Variants in VPS18 observed in about 807,000 individuals in gnomAD.
VPS18 encodes VPS18 core subunit of CORVET and HOPS complexes.
Under a neutral mutation model 82.0 loss-of-function variants are expected in VPS18, and 25 were observed. The ratio of observed to expected loss-of-function variants is 0.30; its 90% confidence interval spans 0.22 to 0.43. VPS18 has a LOEUF of 0.43. Among genes scored for constraint, VPS18 ranks in the 20% least tolerant of loss-of-function variants. VPS18 has a pLI of 1.00. For missense variants in VPS18, 1,168 were observed against 1,311.1 expected, an observed-to-expected ratio of 0.89 and a Z score of 1.69; for synonymous variants, 523 against 543.0, an observed-to-expected ratio of 0.96 and a Z score of 0.51.
In VPS18 at chr15:40,900,316, C is replaced by T; in HGVS notation, c.1498C>T (p.Leu500=). ...LLTTWLTELY[L]SRLGALQGDP... ...GACCACCTGGCTGACAGAGCTCTAC[C>T]TGAGCCGGCTTGGGGCTCTGCAGGG... Residue 500 remains leucine (L), a synonymous_variant, in exon 4 of 5, where the codon CTG becomes TTG. Coordinates refer to ENST00000220509, the MANE Select transcript of VPS18 (RefSeq NM_020857.3). The surrounding 1 kb of genome is among the most constrained non-coding windows in gnomAD (Gnocchi z 5.4). 6.2e-7 allele frequency: 1 copy of T among 1,613,790 alleles called. No homozygotes were observed. Among genetic ancestry groups the T allele is most frequent in the Non-Finnish European group, 8.5e-7 (1 of 1,180,022 alleles).
Position 40,900,755 on chromosome 15 carries a change from T to C in VPS18, c.1937T>C (p.Ile646Thr). 2 of 1,614,182 alleles carry C rather than the reference T, an allele frequency of 1.2e-6. No individual in the cohort carries two copies. Among genetic ancestry groups the C allele is most frequent in the Non-Finnish European group, 1.7e-6 (2 of 1,180,042 alleles). The change falls in exon 4 of 5, where the codon ATC (isoleucine) becomes ACC (threonine). Residue 646 changes from isoleucine to threonine, a missense_variant. By Grantham distance (89) the Ile-to-Thr change is moderately conservative. This residue lies in a region of VPS18 where 868 missense variants were observed against 939.8 expected (regional missense o/e 0.92). Coordinates refer to ENST00000220509, the MANE Select transcript of VPS18 (RefSeq NM_020857.3). The surrounding 1 kb of genome is among the most constrained non-coding windows in gnomAD (Gnocchi z 5.4). ...GAGGTCCAGCAGGTGAGCCAGGCCA[T>C]CCGCTACATGGAGTTCTGCGTGAAC... ...GGEVQQVSQAIRYMEFCVNVL... is the reference protein window; with the variant it reads ...GGEVQQVSQATRYMEFCVNVL...
chr15:40,894,679 C>G lies in VPS18; in HGVS notation c.-90C>G, dbSNP rs8033990. 2.7e-3 allele frequency: 3,554 copies of G among 1,300,814 alleles called. 78 individuals are homozygous for G. In the African/African-American group the frequency reaches 0.049, roughly 18 times the overall value. 80.6% of individuals were successfully genotyped at this position (1,300,814 alleles called of 1,614,324 possible). Reference sequence around the variant, plus strand: ...GGATCTGTCAGAGGCTGGGGAGTTACAGCTTCCATTCTGGGGCGACGGGGA... The same window carrying G: ...GGATCTGTCAGAGGCTGGGGAGTTAGAGCTTCCATTCTGGGGCGACGGGGA... On this transcript the variant is annotated 5_prime_UTR_variant, in exon 1 of 5. Transcript: ENST00000220509.
chr15:40,899,354 G>A lies in VPS18; in HGVS notation c.536G>A (p.Gly179Asp). ...IFEAELSASE[G>D]GLFGPAPDLY... ...GAAGCAGAGCTCTCAGCCAGCGAAG[G>A]TGGGCTTTTCGGCCCTGCTCCGGAT... is the stretch of plus-strand genomic sequence containing the variant. Residue 179 changes from glycine to aspartate, a missense_variant, in exon 4 of 5, where the codon GGT (glycine) becomes GAT (aspartate). By Grantham distance (94) the Gly-to-Asp change is moderately conservative (BLOSUM62 -1). This residue lies in a region of VPS18 where 868 missense variants were observed against 939.8 expected (regional missense o/e 0.92). Coordinates refer to ENST00000220509, the MANE Select transcript of VPS18 (RefSeq NM_020857.3). This position sits in a 1 kb window ranked among gnomAD's most constrained non-coding sequence, Gnocchi z 4.4. 1 of 1,612,632 alleles carries A rather than the reference G, an allele frequency of 6.2e-7. No individual in the cohort carries two copies. Among genetic ancestry groups the A allele is most frequent in the South Asian group, 1.1e-5 (1 of 91,068 alleles).
At position 40,902,303 on chromosome 15, in the gene VPS18, CG is replaced by C. The variant is rs2142040048; in HGVS notation, c.2197-309del. On this transcript the variant is annotated intron_variant, in intron 4 of 4. Coordinates refer to ENST00000220509, the MANE Select transcript of VPS18 (RefSeq NM_020857.3). The surrounding 1 kb of genome is among the most constrained non-coding windows in gnomAD (Gnocchi z 4.2). ...AATTTTTTTGTATTTTTAGTAGAGA[CG>C]GGGTTTCACTGTGTTAGCCAGGATG... Among the ~76,000 whole-genome samples, 1 of 151,966 alleles carries C rather than the reference CG, an allele frequency of 6.6e-6. No homozygotes were observed. The highest frequency in any genetic ancestry group is 1.9e-4 in the East Asian group (1 of 5,174).
intron 4 of VPS18, among the ~76,000 whole-genome samples, chr15:40,901,312 G>T (rs11070306): frequency 0.97 from 147,047 of 152,324 alleles, 71,220 homozygotes; most frequent in East Asian, 1. Context: ...TGAAAAGTAC[G>T]CAGGGCTGGG....
In VPS18 at chr15:40,894,636, G is replaced by A. The variant is rs1892195930; in HGVS notation, c.-133G>A. 3 of 761,020 alleles carry A rather than the reference G, an allele frequency of 3.9e-6. No homozygotes were observed. The highest frequency in any genetic ancestry group is 3.3e-5 in the Admixed American group (1 of 30,406). 47.1% of individuals were successfully genotyped at this position (761,020 alleles called of 1,614,324 possible). ...ATCCTCAGGATTTTAAAGAGGAGGC[G>A]ACGGCTGCAGGTTCCCAGGATCTGT... On this transcript the variant is annotated 5_prime_UTR_variant, in exon 1 of 5. Coordinates refer to ENST00000220509, the MANE Select transcript of VPS18 (RefSeq NM_020857.3).
In VPS18 at chr15:40,903,889, G is replaced by C. The variant is rs573938762; in HGVS notation, c.*548G>C. 6.5e-6 allele frequency: 1 copy of C among 153,282 alleles called. No homozygotes were observed. Among genetic ancestry groups the C allele is most frequent in the Admixed American group, 6.5e-5 (1 of 15,302 alleles). The allele number at this position is 153,282 out of a possible 1,614,324, so 9.5% of individuals were successfully genotyped here. ...TGTGCACACTCTCTGGGGCTCCAGT[G>C]TGAAGGGTGCCCTGGGGCTGAGGGC... On this transcript the variant is annotated 3_prime_UTR_variant, in exon 5 of 5. Coordinates refer to ENST00000220509, the MANE Select transcript of VPS18 (RefSeq NM_020857.3).
At chr15:40,898,837 A>G in intron 2 of VPS18, 70 bp from the exon 3 acceptor site, 1 of 1,448,926 alleles carries the variant, frequency 6.9e-7, no homozygotes, top group East Asian at 2.4e-5. Flanking sequence ...TTATCAGATT[A>G]TTAAAGAAGA....
rs1892409600 is a variant in VPS18 at position 40,903,853 on chromosome 15, G to C, written c.*512G>C. On this transcript the variant is annotated 3_prime_UTR_variant, in exon 5 of 5. Transcript: ENST00000220509. The stretch of plus-strand genomic sequence containing the variant: ...TTGGGTGAGAAAGTGATGCTAGTTG[G>C]GGCATGCTTTTGTGCACACTCTCTG... 6.5e-6 allele frequency: 1 copy of C among 153,444 alleles called. No individual in the cohort carries two copies. The highest frequency in any genetic ancestry group is 2.4e-5 in the African/African-American group (1 of 41,452). The allele number at this position is 153,444 out of a possible 1,614,324, so 9.5% of individuals were successfully genotyped here.
intron 2 of VPS18, chr15:40,898,549 GCAAC>G: frequency 8.7e-6 from 3 of 344,594 alleles, no homozygotes; most frequent in Non-Finnish European, 5.6e-6. Context: ...TCAGCTCACT[GCAAC>G]CTCTGCCTCC....
At position 40,903,587 on chromosome 15, in the gene VPS18, C is replaced by T. The variant is rs1209524914; in HGVS notation, c.*246C>T. On this transcript the variant is annotated 3_prime_UTR_variant, in exon 5 of 5. Coordinates refer to ENST00000220509, the MANE Select transcript of VPS18 (RefSeq NM_020857.3). Reference sequence around the variant, plus strand: ...AGCCTGCCTCCCAGTAGAGGCCCTTCACCTGGAGAAGTCAGAAATCTGACC... The same window carrying T: ...AGCCTGCCTCCCAGTAGAGGCCCTTTACCTGGAGAAGTCAGAAATCTGACC... 8.9e-6 allele frequency: 4 copies of T among 451,812 alleles called. No individual in the cohort carries two copies. The highest frequency in any genetic ancestry group is 1.1e-5 in the Non-Finnish European group (3 of 269,284). The allele number at this position is 451,812 out of a possible 1,614,324, so 28.0% of individuals were successfully genotyped here. A position where few individuals can be genotyped will look rare whatever the true frequency, so the allele number is the denominator to read the frequency against.
chr15:40,896,808 T>C (rs1892237689), intron 2 of VPS18, among the ~76,000 whole-genome samples: 1 of 115,502 alleles, frequency 8.7e-6, no homozygotes, highest in African/African-American at 4.9e-5. Context: ...TGAGACTCCA[T>C]CTCAAAAAAA....
At position 40,899,588 on chromosome 15, in the gene VPS18, C is replaced by G. The variant is rs1175427789; in HGVS notation, c.770C>G (p.Pro257Arg). 2.5e-6 allele frequency: 4 copies of G among 1,608,808 alleles called. No homozygotes were observed. Among genetic ancestry groups the G allele is most frequent in the African/African-American group, 1.3e-5 (1 of 74,952 alleles). Residue 257 changes from proline to arginine, a missense_variant, in exon 4 of 5, where the codon CCA becomes CGA. By Grantham distance (103) the Pro-to-Arg change is moderately radical. Transcript: ENST00000220509. This position sits in a 1 kb window ranked among gnomAD's most constrained non-coding sequence, Gnocchi z 4.4. ...LFAAYTDHPP[P>R]FREFPSNLGY... Reference sequence around the variant, plus strand: ...GCAGCTTACACGGACCACCCACCCCCATTCCGTGAGTTTCCCAGCAACCTG... The same window carrying G: ...GCAGCTTACACGGACCACCCACCCCGATTCCGTGAGTTTCCCAGCAACCTG...
In VPS18 at chr15:40,902,557, C is replaced by T; in HGVS notation, c.2197-59C>T. 1 of 1,557,360 alleles carries T rather than the reference C, an allele frequency of 6.4e-7. No homozygotes were observed. The highest frequency in any genetic ancestry group is 8.7e-7 in the Non-Finnish European group (1 of 1,149,414). On this transcript the variant is annotated intron_variant, in intron 4 of 4. Transcript: ENST00000220509. This position sits in a 1 kb window ranked among gnomAD's most constrained non-coding sequence, Gnocchi z 4.2. ...CCTCTCCTCGGCCATCTCTCTCTCCCATAGTCTCCATGTTGGGCAGGGAGG... is the reference window on the plus strand; with the variant it reads ...CCTCTCCTCGGCCATCTCTCTCTCCTATAGTCTCCATGTTGGGCAGGGAGG...
Position 40,903,054 on chromosome 15 carries a change from C to G in VPS18, c.2635C>G (p.Leu879Val). ...LCGHMFHADC[L>V]LQAVRPGLPA... ...TGGCCATATGTTCCATGCTGACTGC[C>G]TGCTGCAGGCTGTGCGACCTGGCCT... Residue 879 changes from leucine (L) to valine (V), a missense_variant, in exon 5 of 5, where the codon CTG becomes GTG. Around this residue, in one of 3 missense-constraint regions of VPS18, gnomAD observed 296 missense variants for 354.0 expected, o/e 0.84. Coordinates refer to ENST00000220509, the MANE Select transcript of VPS18 (RefSeq NM_020857.3). The G allele has an allele frequency of 6.2e-7, 1 of 1,614,246 alleles. No individual in the cohort carries two copies. The highest frequency in any genetic ancestry group is 1.3e-5 in the African/African-American group (1 of 75,076).
chr15:40,895,469 T>C (rs1446556904), intron 1 of VPS18, among the ~76,000 whole-genome samples: 1 of 152,196 alleles, frequency 6.6e-6, no homozygotes, highest in Admixed American at 6.5e-5. Context: ...GCTTTCACTC[T>C]AGTCTTTACC....
At position 40,894,828 on chromosome 15, in the gene VPS18, C is replaced by G; in HGVS notation, c.60C>G (p.Pro20=). ...NSLSRSAVLQ[P]GCPSVGIPHS... The stretch of plus-strand genomic sequence containing the variant: ...TGTCCCGCTCGGCCGTCTTGCAGCC[C>G]GGCTGCCCTAGCGTGGGCATCCCCC... The change falls in exon 1 of 5, where the codon CCC becomes CCG. Residue 20 remains proline, a synonymous_variant. Coordinates refer to ENST00000220509, the MANE Select transcript of VPS18 (RefSeq NM_020857.3). 6.4e-7 allele frequency: 1 copy of G among 1,555,208 alleles called. No homozygotes were observed. The highest frequency in any genetic ancestry group is 8.7e-7 in the Non-Finnish European group (1 of 1,149,490).
chr15:40,896,002 C>A lies in VPS18; in HGVS notation c.156C>A (p.Thr52=). ...TCACAAAGCAGCGCATTGACTTCAC[C>A]CCTTCCGAGCGCATTACCAGTCTTG... The part of the protein sequence containing the change: ...PIFTKQRIDF[T]PSERITSLVV... Residue 52 remains threonine, a synonymous_variant, in exon 2 of 5, where the codon ACC becomes ACA. Transcript: ENST00000220509. The A allele has an allele frequency of 6.2e-7, 1 of 1,614,174 alleles. No individual in the cohort carries two copies.
intron 2 of VPS18, among the ~76,000 whole-genome samples, chr15:40,898,390 C>T (rs1330697614): frequency 6.6e-6 from 1 of 152,084 alleles, no homozygotes; most frequent in Admixed American, 6.6e-5. Flanking sequence ...TGAGCCACTG[C>T]ACCTGGCAAG....
Sources: gnomAD v4.1 joint callset for allele counts (sites outside exome capture counted in the v4.1 genomes callset) on GRCh38, gnomAD v4.1.1 for gene constraint, gnomAD v4.1.1 regional missense constraint, Gnocchi (gnomAD v3.1) non-coding constraint, MANE v1.5 for transcripts, NCBI Gene and HGNC (gene_info 2026-07-23, HGNC 2026-07-21) for gene names.